WDR47: variants seen among roughly 807,000 people sequenced by gnomAD.
WDR47 encodes WD repeat domain 47.
WDR47 carries 32 observed loss-of-function variants against 97.2 expected under a neutral mutation model. The ratio of observed to expected loss-of-function variants is 0.33; its 90% confidence interval spans 0.25 to 0.44. The LOEUF (loss-of-function observed/expected upper bound fraction) is 0.44, where lower values mean the gene tolerates loss of function less well. Ranked by LOEUF, WDR47 falls within the 20% of genes least tolerant of loss-of-function variation. The pLI is 1.00. For missense variants in WDR47, 782 were observed against 1,102.3 expected (o/e 0.71, Z 4.11); for synonymous variants, 375 against 373.5 (o/e 1.00, Z -0.05).
intron 13 of WDR47, among the ~76,000 whole-genome samples, chr1:108,977,805 G>C (rs941325068): frequency 6.6e-6 from 1 of 152,046 alleles, no homozygotes; most frequent in African/African-American, 2.4e-5. Flanking sequence ...TCCAGCCTGG[G>C]CGACAAAGTA....
intron 3 of WDR47, among the ~76,000 whole-genome samples, chr1:109,015,606 G>A (rs1163381928): frequency 2.0e-5 from 3 of 151,892 alleles, no homozygotes; most frequent in Admixed American, 1.3e-4. Flanking sequence ...GGGATTACAG[G>A]CGTGAGCCAC....
At chr1:109,005,015 C>T (rs1016812586) in intron 5 of WDR47, among the ~76,000 whole-genome samples, 3 of 151,758 alleles carry the variant, frequency 2.0e-5, no homozygotes, top group African/African-American at 7.3e-5. Context: ...TGGTCTCAAA[C>T]TCCTGACCTC....
intron 1 of WDR47, among the ~76,000 whole-genome samples, chr1:109,040,806 G>A (rs894862343): frequency 1.4e-4 from 21 of 151,984 alleles, no homozygotes; most frequent in African/African-American, 4.1e-4. Flanking sequence ...CAACACTGGA[G>A]ACAAAAAAAT....
rs1467200639 is a variant in WDR47, at chr1:109,023,352, T to C, written c.158+3A>G. Reference sequence around the variant, plus strand: ...CAAACTTCACAGTATAATGAAATCATACCTCAGGAAAAGCATATCATCTGA... The same window carrying C: ...CAAACTTCACAGTATAATGAAATCACACCTCAGGAAAAGCATATCATCTGA... On this transcript the variant is annotated splice_donor_region_variant and intron_variant, in intron 2 of 14. Coordinates refer to ENST00000369962, the MANE Select transcript of WDR47 (RefSeq NM_001142551.2). 1 of 1,612,920 alleles carries C rather than the reference T, an allele frequency of 6.2e-7. No homozygotes were observed. The highest frequency in any genetic ancestry group is 8.5e-7 in the Non-Finnish European group (1 of 1,179,528).
rs1208048780 is a variant in WDR47, at chr1:109,028,563, T to C, written c.-9-5042A>G. On this transcript the variant is annotated intron_variant, in intron 1 of 14. Coordinates refer to ENST00000369962, the MANE Select transcript of WDR47 (RefSeq NM_001142551.2). The stretch of plus-strand genomic sequence containing the variant: ...AAAAACTTACTGAAAAGGATGGAGC[T>C]GTGACTGAAGCAATCCAGCTATTTA... Among the ~76,000 whole-genome samples, 4 of 151,348 alleles carry C rather than the reference T, an allele frequency of 2.6e-5. No homozygotes were observed. The East Asian group carries it at 7.7e-4, about 29-fold the overall frequency.
intron 13 of WDR47, among the ~76,000 whole-genome samples, chr1:108,979,177 AG>A (rs1424267921): frequency 3.3e-5 from 5 of 152,238 alleles, no homozygotes; most frequent in African/African-American, 9.6e-5. Flanking sequence ...AAAATAATGT[AG>A]AAAGCTAGAG....
At chr1:109,014,442 T>C (rs974536531) in intron 3 of WDR47, among the ~76,000 whole-genome samples, 1 of 151,924 alleles carries the variant, frequency 6.6e-6, no homozygotes, top group African/African-American at 2.4e-5. Flanking sequence ...CTTTTCTTTT[T>C]TTTTTTTAGA....
intron 13 of WDR47, among the ~76,000 whole-genome samples, chr1:108,979,087 G>C (rs1236578038): frequency 6.6e-6 from 1 of 152,160 alleles, no homozygotes; most frequent in Non-Finnish European, 1.5e-5. Context: ...GAGAGATACA[G>C]TAAGAGGAAG....
intron 9 of WDR47, among the ~76,000 whole-genome samples, chr1:108,987,771 G>C (rs1256073317): frequency 6.6e-6 from 1 of 151,996 alleles, no homozygotes; most frequent in Non-Finnish European, 1.5e-5. Flanking sequence ...CCTGGTTCCA[G>C]CCAATTGTTT....
Position 109,011,123 on chromosome 1 carries a change from T to C in WDR47, c.923A>G (p.Tyr308Cys), listed in dbSNP as rs1661009533. 8.7e-6 allele frequency: 14 copies of C among 1,614,164 alleles called. No homozygotes were observed. The highest frequency in any genetic ancestry group is 1.2e-5 in the Non-Finnish European group (14 of 1,180,038). The part of the protein sequence containing the change: ...PMRRPQSADA[Y>C]MTRSLNPALD... ...AGCAGGATTCAGAGAGCGGGTCATA[T>C]AGGCATCAGCTGATTGAGGTCTTCT... The change falls in exon 5 of 15, where the codon TAT becomes TGT. Residue 308 changes from tyrosine (Y) to cysteine (C), a missense_variant. Physicochemically the swap from Tyr to Cys is radical, Grantham distance 194 (BLOSUM62 -2). Around this residue, in one of 3 missense-constraint regions of WDR47, gnomAD observed 428 missense variants for 584.3 expected, o/e 0.73. Transcript: ENST00000369962.
At chr1:109,009,526 G>C (rs1394706472) in intron 5 of WDR47, among the ~76,000 whole-genome samples, 2 of 152,040 alleles carry the variant, frequency 1.3e-5, no homozygotes, top group Non-Finnish European at 2.9e-5. Context: ...GAAACAACCT[G>C]GTATCCTACA....
intron 9 of WDR47, among the ~76,000 whole-genome samples, chr1:108,988,014 T>C (rs1353713688): frequency 6.6e-6 from 1 of 151,568 alleles, no homozygotes; most frequent in Non-Finnish European, 1.5e-5. Context: ...GTTGGGCATA[T>C]TGCTTGAGCC....
Position 109,006,161 on chromosome 1 carries a change from G to A in WDR47, c.1131-1446C>T, listed in dbSNP as rs4336879. Among the ~76,000 whole-genome samples the A allele has an allele frequency of 4.6e-3, 703 of 152,242 alleles. 9 individuals carry two copies. The highest frequency in any genetic ancestry group is 0.016 in the African/African-American group (658 of 41,526). On this transcript the variant is annotated intron_variant, in intron 5 of 14. Coordinates refer to ENST00000369962, the MANE Select transcript of WDR47 (RefSeq NM_001142551.2). ...TGTAATCCCAGCACTTTGGGAGGCC[G>A]AGGGTGGCAGATCACCTGAGGTCGG...
chr1:108,990,766 C>T (rs1447095583), intron 9 of WDR47, among the ~76,000 whole-genome samples: 2 of 151,876 alleles, frequency 1.3e-5, no homozygotes, highest in South Asian at 2.1e-4. Context: ...AAAAGGTGTA[C>T]CGATGAGAAG....
intron 8 of WDR47, among the ~76,000 whole-genome samples, chr1:108,994,280 C>T (rs1659590090): frequency 6.6e-6 from 1 of 152,044 alleles, no homozygotes; most frequent in Non-Finnish European, 1.5e-5. Context: ...GCCAGTAATC[C>T]CAGCTACTCA....
intron 1 of WDR47, among the ~76,000 whole-genome samples, chr1:109,037,610 G>A (rs1663051175): frequency 7.3e-6 from 1 of 136,818 alleles, no homozygotes. Context: ...CTGGGGGACA[G>A]AGCGAGACCT....
At chr1:109,034,582 G>C (rs1662807795) in intron 1 of WDR47, among the ~76,000 whole-genome samples, 1 of 152,198 alleles carries the variant, frequency 6.6e-6, no homozygotes, top group South Asian at 2.1e-4. Flanking sequence ...TACTGTCTGA[G>C]TCCCGCTCCT....
At chr1:108,983,155 T>C in intron 11 of WDR47, 127 bp downstream of exon 11, 3 of 1,009,764 alleles carry the variant, frequency 3.0e-6, no homozygotes, top group Non-Finnish European at 4.0e-6. Flanking sequence ...CAATTAGAAT[T>C]ATTGAAAAAA....
chr1:109,031,791 CTTTCT>C (rs1420076993), intron 1 of WDR47, among the ~76,000 whole-genome samples: 8 of 96,736 alleles, frequency 8.3e-5, no homozygotes, highest in African/African-American at 2.1e-4. Flanking sequence ...TTCAATCTTT[CTTTCT>C]TTTTTTTTTT....
Sources: allele counts gnomAD v4.1 joint callset (sites outside exome capture counted in the v4.1 genomes callset), GRCh38; gene constraint gnomAD v4.1.1; regional missense constraint gnomAD v4.1.1; transcripts MANE v1.5; gene names NCBI Gene and HGNC (gene_info 2026-07-23, HGNC 2026-07-21).